The following MPP7 variants were observed in gnomAD, a reference collection of about 807,000 sequenced individuals.
MPP7 encodes MAGUK p55 scaffold protein 7, also known as MAGUK p55 subfamily member 7.
Under a neutral mutation model 76.5 loss-of-function variants are expected in MPP7, and 60 were observed. The observed-to-expected ratio is 0.78, with a 90% CI of 0.64 to 0.97. The LOEUF (loss-of-function observed/expected upper bound fraction) is 0.97. Ranked by LOEUF, MPP7 falls within the 50% of genes least tolerant of loss-of-function variation. The pLI, the probability that MPP7 is intolerant of heterozygous loss-of-function variation, is 0.00. For synonymous variants in MPP7, 237 were observed against 244.5 expected (o/e 0.97, Z 0.29); for missense variants, 641 against 694.0 (o/e 0.92, Z 0.86).
intron 12 of MPP7, among the ~76,000 whole-genome samples, chr10:28,089,073 ATGTAGAGATGGGGCTTCAC>A (rs1179563490): frequency 2.0e-5 from 3 of 151,808 alleles, no homozygotes; most frequent in Admixed American, 6.6e-5. Context: ...TGGGGCTTCA[ATGTAGAGATGGGGCTTCAC>A]TGTAGAGATG....
intron 6 of MPP7, among the ~76,000 whole-genome samples, chr10:28,126,666 G>T (rs1835027233): frequency 6.6e-6 from 1 of 152,136 alleles, no homozygotes. Flanking sequence ...TCTTGGGGGA[G>T]ATTGTCTCTA....
chr10:28,227,908 A>G (rs1838750367), intron 2 of MPP7, among the ~76,000 whole-genome samples: 1 of 152,194 alleles, frequency 6.6e-6, no homozygotes, highest in African/African-American at 2.4e-5. Flanking sequence ...TGTCTTCCAC[A>G]ATGGTTGAAC....
At chr10:28,141,822 A>G (rs542775776) in intron 5 of MPP7, among the ~76,000 whole-genome samples, 6 of 152,328 alleles carry the variant, frequency 3.9e-5, no homozygotes, top group Middle Eastern at 3.4e-3. Flanking sequence ...CATTTGCAAG[A>G]ATAATGATAG....
chr10:28,184,790 T>C (rs1432406509), intron 3 of MPP7, among the ~76,000 whole-genome samples: 3 of 147,436 alleles, frequency 2.0e-5, no homozygotes, highest in Non-Finnish European at 4.5e-5. Flanking sequence ...AGATATTATC[T>C]TAATATATAT....
At chr10:28,213,073 G>A (rs1219258016) in intron 2 of MPP7, among the ~76,000 whole-genome samples, 2 of 152,030 alleles carry the variant, frequency 1.3e-5, no homozygotes, top group African/African-American at 4.8e-5. Flanking sequence ...CCGAGTAGCT[G>A]AGAATATAGG....
intron 12 of MPP7, among the ~76,000 whole-genome samples, chr10:28,082,458 T>TTCC (rs960192334): frequency 1.3e-5 from 2 of 151,014 alleles, no homozygotes; most frequent in African/African-American, 2.4e-5. Context: ...TTCCTTATCC[T>TTCC]TCCTCCTCCT....
At chr10:28,225,039 G>A (rs937105516) in intron 2 of MPP7, among the ~76,000 whole-genome samples, 4 of 152,022 alleles carry the variant, frequency 2.6e-5, no homozygotes, top group Non-Finnish European at 5.9e-5. Context: ...ACACAAACTA[G>A]TGCTTCCCAG....
chr10:28,129,602 A>T (rs35801090), intron 6 of MPP7, among the ~76,000 whole-genome samples: 11 of 151,002 alleles, frequency 7.3e-5, no homozygotes, highest in Non-Finnish European at 1.5e-4. Context: ...AAAAAAAAAA[A>T]ATTTACTTTA....
chr10:28,324,099 A>G (rs1339486477), intron 2 of MPP7, among the ~76,000 whole-genome samples: 4 of 152,182 alleles, frequency 2.6e-5, no homozygotes, highest in Non-Finnish European at 5.9e-5. Context: ...TCATAGGTTG[A>G]AATCTTAACC....
At chr10:28,067,500 T>C (rs1852039242) in intron 13 of MPP7, among the ~76,000 whole-genome samples, 1 of 152,208 alleles carries the variant, frequency 6.6e-6, no homozygotes, top group African/African-American at 2.4e-5. Context: ...GAAACATTAC[T>C]ATATGAAGAC....
chr10:28,231,239 AT>A (rs1472240024), intron 2 of MPP7, among the ~76,000 whole-genome samples: 2 of 152,010 alleles, frequency 1.3e-5, no homozygotes, highest in Non-Finnish European at 2.9e-5. Flanking sequence ...AATTACAAAA[AT>A]TCTAAAGCAA....
At chr10:28,214,364 C>T (rs1485847144) in intron 2 of MPP7, among the ~76,000 whole-genome samples, 1 of 152,132 alleles carries the variant, frequency 6.6e-6, no homozygotes, top group African/African-American at 2.4e-5. Flanking sequence ...CCTGAAACTA[C>T]CTGAAAGATG....
At chr10:28,146,363 A>G (rs1020311492) in intron 5 of MPP7, among the ~76,000 whole-genome samples, 4 of 150,902 alleles carry the variant, frequency 2.7e-5, no homozygotes, top group South Asian at 2.1e-4. Context: ...ACTTATAGGG[A>G]TTAGGGTTTA....
chr10:28,068,248 T>C lies in MPP7; in HGVS notation c.1204+1524A>G, dbSNP rs80036262. On this transcript the variant is annotated intron_variant, in intron 13 of 16. Coordinates refer to ENST00000683449, the MANE Select transcript of MPP7 (RefSeq NM_001318170.2). ...ACATTTTCATTAACTTTCATCTCTG[T>C]TGGTAGAAAGCAGCAGTCCTATAAC... Among the ~76,000 whole-genome samples, 571 of 152,206 alleles carry C rather than the reference T, an allele frequency of 3.8e-3. 1 individual carries two copies. Among genetic ancestry groups the C allele is most frequent in the Middle Eastern group, 0.021 (6 of 292 alleles).
At chr10:28,104,640 C>T (rs1013525698) in intron 11 of MPP7, among the ~76,000 whole-genome samples, 4 of 152,150 alleles carry the variant, frequency 2.6e-5, no homozygotes, top group African/African-American at 4.8e-5. Flanking sequence ...AAAGAACTAA[C>T]GTCAAATCTT....
chr10:28,219,153 T>C (rs1409432947), intron 2 of MPP7, among the ~76,000 whole-genome samples: 1 of 152,208 alleles, frequency 6.6e-6, no homozygotes, highest in Admixed American at 6.5e-5. Flanking sequence ...TGAACAAATA[T>C]AACTTATTGC....
At chr10:28,167,515 A>G (rs1455288563) in intron 3 of MPP7, among the ~76,000 whole-genome samples, 1 of 152,152 alleles carries the variant, frequency 6.6e-6, no homozygotes, top group Non-Finnish European at 1.5e-5. Flanking sequence ...GGCCTATTGG[A>G]TACTATGTTC....
At chr10:28,098,332 T>C (rs990142403) in intron 11 of MPP7, among the ~76,000 whole-genome samples, 34 of 152,000 alleles carry the variant, frequency 2.2e-4, no homozygotes, top group African/African-American at 7.9e-4. Context: ...AAAGACAGGA[T>C]ACAATCATCA....
At chr10:28,216,095 G>C (rs1275488167) in intron 2 of MPP7, among the ~76,000 whole-genome samples, 3 of 151,522 alleles carry the variant, frequency 2.0e-5, no homozygotes, top group African/African-American at 7.3e-5. Context: ...CCTTTGGCCA[G>C]GCACAGTGAC....
Sources: allele counts gnomAD v4.1 joint callset (sites outside exome capture counted in the v4.1 genomes callset), GRCh38; gene constraint gnomAD v4.1.1; transcripts MANE v1.5; gene names NCBI Gene and HGNC (gene_info 2026-07-23, HGNC 2026-07-21).